GRIA3: variants seen among roughly 807,000 people sequenced by gnomAD.
The protein encoded by GRIA3 is glutamate ionotropic receptor AMPA type subunit 3.
In GRIA3, 3 loss-of-function variants were observed where a neutral mutation model predicts 63.0. The observed-to-expected ratio is 0.05, with a 90% confidence interval of 0.02 to 0.12. GRIA3 has a LOEUF of 0.12. Among genes scored for constraint, GRIA3 ranks in the 10% least tolerant of loss-of-function variants. GRIA3 has a pLI of 1.00. For missense variants in GRIA3, 347 were observed against 700.9 expected, an observed-to-expected ratio of 0.50 and a Z score of 5.70; for synonymous variants, 274 against 257.9, an observed-to-expected ratio of 1.06 and a Z score of -0.60.
At chrX:123,411,373 T>C (rs999822691) in intron 10 of GRIA3, among the ~76,000 whole-genome samples, 2 of 111,952 alleles carry the variant, frequency 1.8e-5, no homozygotes, top group Non-Finnish European at 3.8e-5. Context: ...CTCCTGCTCA[T>C]TCGTAGTCTC....
At chrX:123,426,204 G>T (rs1044654488) in intron 11 of GRIA3, among the ~76,000 whole-genome samples, 19 of 111,922 alleles carry the variant, frequency 1.7e-4, no homozygotes, top group Non-Finnish European at 3.6e-4. Context: ...ATTATCCTAA[G>T]GATGATGTGG....
intron 4 of GRIA3, among the ~76,000 whole-genome samples, chrX:123,343,429 C>T (rs190139601): frequency 1.8e-5 from 2 of 111,627 alleles, no homozygotes; most frequent in African/African-American, 6.5e-5. Flanking sequence ...ACACTTTCTG[C>T]AATACACTTT....
intron 10 of GRIA3, among the ~76,000 whole-genome samples, chrX:123,412,274 C>T (rs2045511167): frequency 8.9e-6 from 1 of 111,870 alleles, no homozygotes; most frequent in Non-Finnish European, 1.9e-5. Flanking sequence ...TCTCTTGGGA[C>T]TGCCATAACA....
At chrX:123,301,823 T>C (rs916119685) in intron 3 of GRIA3, among the ~76,000 whole-genome samples, 1 of 111,893 alleles carries the variant, frequency 8.9e-6, no homozygotes, top group African/African-American at 3.2e-5. Context: ...CCAATCCTCC[T>C]GTGGAAGCTG....
chrX:123,279,733 T>C (rs1009698366), intron 3 of GRIA3, among the ~76,000 whole-genome samples: 3 of 110,913 alleles, frequency 2.7e-5, no homozygotes, highest in African/African-American at 6.6e-5. Context: ...CCCAGCAGAA[T>C]AGCACAACAA....
At chrX:123,196,964 G>C (rs1300373990) in intron 2 of GRIA3, among the ~76,000 whole-genome samples, 1 of 112,228 alleles carries the variant, frequency 8.9e-6, no homozygotes, top group Non-Finnish European at 1.9e-5. Context: ...CACAATTTAT[G>C]TTGAAGTCTT....
chrX:123,484,930 G>C (rs757473415), intron 15 of GRIA3, among the ~76,000 whole-genome samples: 4 of 112,610 alleles, frequency 3.6e-5, no homozygotes, highest in Non-Finnish European at 7.5e-5. Flanking sequence ...CCTTCTTCCT[G>C]CCTTTTGCCA....
At chrX:123,375,660 G>A (rs1280586689) in intron 5 of GRIA3, among the ~76,000 whole-genome samples, 1 of 111,486 alleles carries the variant, frequency 9.0e-6, no homozygotes, top group East Asian at 2.8e-4. Flanking sequence ...TTCTGGACCT[G>A]CAGACTGTAT....
intron 2 of GRIA3, among the ~76,000 whole-genome samples, chrX:123,206,515 G>A (rs1239103670): frequency 8.9e-6 from 1 of 112,103 alleles, no homozygotes; most frequent in Non-Finnish European, 1.9e-5. Flanking sequence ...ATAAAAGAAC[G>A]CAGTGCCAAT....
chrX:123,189,635 G>C (rs763507205), intron 2 of GRIA3, among the ~76,000 whole-genome samples: 9 of 112,636 alleles, frequency 8.0e-5, no homozygotes, highest in East Asian at 2.8e-4. Flanking sequence ...TGTGGATTAC[G>C]CACTGTTTGC....
chrX:123,309,317 A>C (rs1027623279), intron 3 of GRIA3, among the ~76,000 whole-genome samples: 1 of 109,288 alleles, frequency 9.2e-6, no homozygotes, highest in Admixed American at 9.7e-5. Context: ...CAGTGAGCCA[A>C]GATCGTGCCA....
chrX:123,370,234 T>C (rs1312150093), intron 5 of GRIA3, among the ~76,000 whole-genome samples: 1 of 111,054 alleles, frequency 9.0e-6, no homozygotes, highest in African/African-American at 3.3e-5. Context: ...AAGCCCCTTT[T>C]TAACACACAC....
intron 12 of GRIA3, among the ~76,000 whole-genome samples, chrX:123,432,083 A>G (rs2045621465): frequency 9.0e-6 from 1 of 111,591 alleles, no homozygotes; most frequent in East Asian, 2.8e-4. Flanking sequence ...TTTTCCATTG[A>G]TGTAATAGAA....
intron 7 of GRIA3, among the ~76,000 whole-genome samples, chrX:123,400,213 C>T (rs1303225331): frequency 9.1e-6 from 1 of 110,453 alleles, no homozygotes; most frequent in African/African-American, 3.3e-5. Flanking sequence ...ACCAATTGGG[C>T]TAGGAAAAAA....
chrX:123,317,707 C>A (rs939909878), intron 3 of GRIA3, among the ~76,000 whole-genome samples: 6 of 112,067 alleles, frequency 5.4e-5, no homozygotes, highest in African/African-American at 2.0e-4. Flanking sequence ...TTCCTCCCAG[C>A]TGCTTTCATG....
chrX:123,453,618 AAC>A (rs780732296), intron 12 of GRIA3, among the ~76,000 whole-genome samples: 74 of 102,798 alleles, frequency 7.2e-4, no homozygotes, highest in Non-Finnish European at 6.8e-4. Flanking sequence ...TCAGGTTTTC[AAC>A]ACACACACAC....
chrX:123,305,520 A>T (rs1001465230), intron 3 of GRIA3, among the ~76,000 whole-genome samples: 5 of 112,563 alleles, frequency 4.4e-5, no homozygotes, highest in African/African-American at 6.4e-5. Flanking sequence ...CTCTTGCATT[A>T]TCCTTGTCCA....
intron 4 of GRIA3, among the ~76,000 whole-genome samples, chrX:123,353,140 T>G (rs776559858): frequency 1.8e-5 from 2 of 110,696 alleles, no homozygotes; most frequent in Non-Finnish European, 3.8e-5. Flanking sequence ...AAATGTATGG[T>G]TCCACTTCTC....
chrX:123,484,029 G>A (rs2045928204), intron 15 of GRIA3, among the ~76,000 whole-genome samples: 1 of 111,955 alleles, frequency 8.9e-6, no homozygotes, highest in African/African-American at 3.2e-5. Context: ...CAGTGTATAA[G>A]TCTGAGATAA....
Sources: allele counts gnomAD v4.1 joint callset (sites outside exome capture counted in the v4.1 genomes callset), GRCh38; gene constraint gnomAD v4.1.1; transcripts MANE v1.5; gene names NCBI Gene and HGNC (gene_info 2026-07-23, HGNC 2026-07-21).